Variants in MEIKIN observed in about 807,000 individuals in gnomAD.
MEIKIN encodes the protein meiotic kinetochore factor.
In MEIKIN at chr5:131,865,224, A is replaced by AT. The variant is rs34459901; in HGVS notation, c.775-10391dup. Among the ~76,000 whole-genome samples the AT allele has an allele frequency of 2.7e-4, 39 of 145,968 alleles. No homozygotes were observed. In the East Asian group the frequency reaches 5.7e-3, roughly 21 times the overall value. The stretch of plus-strand genomic sequence containing the variant: ...GAATTCTTTTTCCTGGGATTTTGTG[A>AT]TTTTTTTTTTTTTTAGATGGAGTCA... On this transcript the variant is annotated intron_variant, in intron 9 of 12. Transcript: ENST00000442687.
In MEIKIN at chr5:131,835,108, C is replaced by A. The variant is rs376334612; in HGVS notation, c.975+16156G>T. The stretch of plus-strand genomic sequence containing the variant: ...TGTCTTTTTTGGAGAAATGGCAATT[C>A]AGGTCCTTTGAGCATTTTTTAATCT... On this transcript the variant is annotated intron_variant, in intron 11 of 12. Coordinates refer to ENST00000442687, the MANE Select transcript of MEIKIN (RefSeq NM_001303622.2). Among the ~76,000 whole-genome samples, 8 of 151,896 alleles carry A rather than the reference C, an allele frequency of 5.3e-5. No individual in the cohort carries two copies. The South Asian group carries it at 8.3e-4, about 16-fold the overall frequency.
chr5:131,819,451 AC>A (rs1465474650), intron 11 of MEIKIN, among the ~76,000 whole-genome samples: 14 of 10,842 alleles, frequency 1.3e-3, no homozygotes, highest in Non-Finnish European at 2.1e-3. Flanking sequence ...AGGAGGAGGG[AC>A]AGGGGGAGGG....
At chr5:131,926,525 G>T (rs1409240821) in intron 5 of MEIKIN, among the ~76,000 whole-genome samples, 1 of 152,170 alleles carries the variant, frequency 6.6e-6, no homozygotes, top group Non-Finnish European at 1.5e-5. Flanking sequence ...CCTCGCTTTA[G>T]TATGAGGGTA....
intron 11 of MEIKIN, among the ~76,000 whole-genome samples, chr5:131,843,192 T>C (rs1295222159): frequency 1.3e-5 from 2 of 152,196 alleles, no homozygotes; most frequent in Non-Finnish European, 2.9e-5. Flanking sequence ...CAGAAAACCA[T>C]TTTTCCCTCC....
chr5:131,929,100 T>C (rs575362456), intron 5 of MEIKIN, among the ~76,000 whole-genome samples: 48 of 152,238 alleles, frequency 3.2e-4, no homozygotes, highest in Middle Eastern at 3.2e-3. Flanking sequence ...AATTTTTCTT[T>C]CAGCACTTTG....
intron 11 of MEIKIN, among the ~76,000 whole-genome samples, chr5:131,841,412 C>T (rs79315326): frequency 0.01 from 1,563 of 152,284 alleles, 56 homozygotes; most frequent in East Asian, 0.097. Flanking sequence ...TCCTAGGGTG[C>T]CTGCCTCCCT....
intron 11 of MEIKIN, among the ~76,000 whole-genome samples, chr5:131,829,305 C>G (rs562130157): frequency 1.6e-4 from 25 of 152,298 alleles, no homozygotes; most frequent in African/African-American, 6.0e-4. Context: ...CAAACAATTT[C>G]TATAACACGT....
In MEIKIN at chr5:131,933,521, T is replaced by C. The variant is rs1751722208; in HGVS notation, c.470A>G (p.Asp157Gly). ...FPSPELFRKS[D>G]YLDWECPNLE... ...TGGAATTACTTTCTCACCTAAATAA[T>C]CTGATTTTCTGAACAGTTCAGGTGA... Residue 157 changes from aspartate (D) to glycine (G), a missense_variant, in exon 5 of 13, where the codon GAT (aspartate) becomes GGT (glycine). Transcript: ENST00000442687. 3 of 398,702 alleles carry C rather than the reference T, an allele frequency of 7.5e-6. No homozygotes were observed. The highest frequency in any genetic ancestry group is 6.2e-5 in the African/African-American group (3 of 48,626). 24.7% of individuals were successfully genotyped at this position (398,702 alleles called of 1,614,324 possible). A position where few individuals can be genotyped will look rare whatever the true frequency, so the allele number is the denominator to read the frequency against.
At chr5:131,927,479 G>C (rs1751606464) in intron 5 of MEIKIN, among the ~76,000 whole-genome samples, 1 of 152,162 alleles carries the variant, frequency 6.6e-6, no homozygotes, top group Admixed American at 6.5e-5. Context: ...TTAGGTCCAT[G>C]TTGTCTATAG....
chr5:131,834,526 T>A (rs1749769479), intron 11 of MEIKIN, among the ~76,000 whole-genome samples: 1 of 152,196 alleles, frequency 6.6e-6, no homozygotes, highest in Admixed American at 6.5e-5. Flanking sequence ...ACCATTCTAC[T>A]CTCTGCTTCT....
At chr5:131,868,389 T>C (rs1750427627) in intron 9 of MEIKIN, among the ~76,000 whole-genome samples, 2 of 152,208 alleles carry the variant, frequency 1.3e-5, no homozygotes, top group South Asian at 2.1e-4. Context: ...CAGCCACTCA[T>C]TGTTGTTTTA....
chr5:131,931,385 G>A (rs1241957393), intron 5 of MEIKIN, among the ~76,000 whole-genome samples: 2 of 152,156 alleles, frequency 1.3e-5, no homozygotes, highest in Non-Finnish European at 2.9e-5. Flanking sequence ...TATGGCAAAT[G>A]TTTGTGTCCT....
chr5:131,881,452 T>A (rs982029494), intron 8 of MEIKIN, among the ~76,000 whole-genome samples: 6 of 152,288 alleles, frequency 3.9e-5, no homozygotes, highest in Middle Eastern at 3.4e-3. Context: ...AGTGTCCCAT[T>A]TCCATTCACT....
intron 9 of MEIKIN, among the ~76,000 whole-genome samples, chr5:131,867,833 C>T (rs190777382): frequency 3.0e-4 from 46 of 152,298 alleles, no homozygotes; most frequent in African/African-American, 8.9e-4. Flanking sequence ...TTGCTATAAA[C>T]GTTCAGGTGC....
At chr5:131,941,439 G>A (rs370651513) in intron 4 of MEIKIN, among the ~76,000 whole-genome samples, 4 of 134,884 alleles carry the variant, frequency 3.0e-5, no homozygotes, top group South Asian at 2.2e-4. Context: ...GATTATAGGC[G>A]TGAGCCACCG....
intron 8 of MEIKIN, among the ~76,000 whole-genome samples, chr5:131,897,371 G>T (rs1377641376): frequency 6.6e-6 from 1 of 151,980 alleles, no homozygotes; most frequent in Non-Finnish European, 1.5e-5. Context: ...TTAGGGAGGA[G>T]TAACTTCTCG....
chr5:131,875,935 T>C (rs988618707), intron 9 of MEIKIN, among the ~76,000 whole-genome samples: 2 of 152,156 alleles, frequency 1.3e-5, no homozygotes, highest in African/African-American at 4.8e-5. Context: ...GAAAACTGGC[T>C]AGCCATATGT....
At chr5:131,864,236 CCTTT>C (rs901085662) in intron 9 of MEIKIN, among the ~76,000 whole-genome samples, 1 of 151,950 alleles carries the variant, frequency 6.6e-6, no homozygotes, top group Non-Finnish European at 1.5e-5. Context: ...ACTCTTTGTT[CCTTT>C]CTTTTTCTCT....
At position 131,862,564 on chromosome 5, in the gene MEIKIN, C is replaced by T. The variant is rs554444286; in HGVS notation, c.775-7730G>A. The stretch of plus-strand genomic sequence containing the variant: ...GGAAATCATTCTACTTTTTTTCTTA[C>T]ATAACATTAAATTTACATAAGCACA... On this transcript the variant is annotated intron_variant, in intron 9 of 12. Transcript: ENST00000442687. 2.6e-4 allele frequency among the ~76,000 whole-genome samples: 40 copies of T among 152,186 alleles called. No homozygotes were observed. The South Asian group carries it at 2.9e-3, about 11-fold the overall frequency.
Sources: gnomAD v4.1 joint callset for allele counts (sites outside exome capture counted in the v4.1 genomes callset) on GRCh38, gnomAD v4.1.1 for gene constraint, MANE v1.5 for transcripts, NCBI Gene and HGNC (gene_info 2026-07-23, HGNC 2026-07-21) for gene names.